The following HYAL4 variants were observed in gnomAD, a reference collection of about 807,000 sequenced individuals.
The protein encoded by HYAL4 is hyaluronidase-4.
A neutral mutation model predicts 35.2 loss-of-function variants in HYAL4; 37 were observed. That is an observed-to-expected ratio of 1.05 (90% CI 0.81 to 1.38). The LOEUF is 1.38. HYAL4 is among the 40% of genes most tolerant of loss of function. The probability of loss-of-function intolerance (pLI) is 0.00; values close to 1 mark genes in which losing one functional copy is unlikely to be tolerated. For missense variants in HYAL4, 572 were observed against 572.4 expected (o/e 1.00, Z 0.01); for synonymous variants, 198 against 203.2 (o/e 0.97, Z 0.22).
the HYAL4 span, among the ~76,000 whole-genome samples, chr7:123,800,390 C>A: frequency 6.7e-6 from 1 of 148,854 alleles, no homozygotes; most frequent in Non-Finnish European, 1.5e-5. Context: ...AGGATGGTCT[C>A]GATCTCCTGA....
the HYAL4 span, among the ~76,000 whole-genome samples, chr7:123,770,440 T>TGA: frequency 1.7e-5 from 2 of 118,512 alleles, no homozygotes; most frequent in African/African-American, 6.2e-5. Context: ...AGACTCCATC[T>TGA]AAAAAAAAAA....
chr7:123,778,159 G>C, the HYAL4 span, among the ~76,000 whole-genome samples: 1 of 120,716 alleles, frequency 8.3e-6, no homozygotes, highest in Non-Finnish European at 2.0e-5. Context: ...CTGTCTGTCT[G>C]TCTATCTATC....
At chr7:123,782,738 A>G in the HYAL4 span, among the ~76,000 whole-genome samples, 1 of 152,160 alleles carries the variant, frequency 6.6e-6, no homozygotes, top group Non-Finnish European at 1.5e-5. Context: ...AATAAATCAT[A>G]TTCCATCTCC....
the HYAL4 span, among the ~76,000 whole-genome samples, chr7:123,773,761 C>T: frequency 6.6e-6 from 1 of 152,202 alleles, no homozygotes; most frequent in African/African-American, 2.4e-5. Flanking sequence ...AACAATATCT[C>T]AATCTAGATG....
chr7:123,820,303 G>A, the HYAL4 span, among the ~76,000 whole-genome samples: 1 of 152,074 alleles, frequency 6.6e-6, no homozygotes, highest in African/African-American at 2.4e-5. Flanking sequence ...GGCTGGGCAC[G>A]GTGGCTCACG....
upstream of HYAL4, among the ~76,000 whole-genome samples, chr7:123,840,243 A>G (rs1806031474): frequency 1.3e-5 from 2 of 152,206 alleles, no homozygotes; most frequent in Non-Finnish European, 2.9e-5. Context: ...TTAAATAGGG[A>G]ATCCTTTCCC....
At chr7:123,854,747 CAG>C (rs1407605127) in intron 2 of HYAL4, among the ~76,000 whole-genome samples, 14 of 152,066 alleles carry the variant, frequency 9.2e-5, no homozygotes, top group Admixed American at 9.2e-4. Flanking sequence ...CTACTTGGTC[CAG>C]AGCTGAGTTT....
chr7:123,869,323 T>TCTTC, intron 3 of HYAL4, 96 bp downstream of exon 3: 1 of 865,352 alleles, frequency 1.2e-6, no homozygotes, highest in Non-Finnish European at 1.7e-6. Flanking sequence ...TGATTTCAAT[T>TCTTC]AATGGTTTGT....
chr7:123,820,125 T>A, the HYAL4 span, among the ~76,000 whole-genome samples: 6 of 152,076 alleles, frequency 3.9e-5, no homozygotes, highest in East Asian at 1.2e-3. Flanking sequence ...ACTCCTGGCC[T>A]TAAGCTATCT....
chr7:123,823,112 A>T, the HYAL4 span, among the ~76,000 whole-genome samples: 2 of 152,278 alleles, frequency 1.3e-5, no homozygotes, highest in African/African-American at 2.4e-5. Context: ...TTTGTATGTT[A>T]TGGCACATTC....
intron 2 of HYAL4, among the ~76,000 whole-genome samples, chr7:123,854,020 G>A (rs889484579): frequency 5.9e-5 from 9 of 152,258 alleles, no homozygotes; most frequent in East Asian, 3.9e-4. Flanking sequence ...GCATAGAGGT[G>A]TTTATAGTAT....
the HYAL4 span, among the ~76,000 whole-genome samples, chr7:123,772,948 A>G: frequency 6.6e-6 from 1 of 152,216 alleles, no homozygotes; most frequent in Non-Finnish European, 1.5e-5. Context: ...ATGAAAAAGA[A>G]CTGATAGTGC....
the HYAL4 span, among the ~76,000 whole-genome samples, chr7:123,772,117 A>G: frequency 4.6e-5 from 7 of 152,130 alleles, no homozygotes; most frequent in South Asian, 6.2e-4. Context: ...ATGGCAGATC[A>G]TGGGACTTCT....
intron 4 of HYAL4, among the ~76,000 whole-genome samples, chr7:123,875,362 C>T (rs987285124): frequency 2.6e-5 from 4 of 152,084 alleles, no homozygotes; most frequent in Non-Finnish European, 4.4e-5. Context: ...TGAAAATTAT[C>T]AGCATTTAAA....
At chr7:123,846,234 G>A (rs1562995095) in intron 1 of HYAL4, among the ~76,000 whole-genome samples, 1 of 152,096 alleles carries the variant, frequency 6.6e-6, no homozygotes, top group Non-Finnish European at 1.5e-5. Flanking sequence ...TTTGTCTTCA[G>A]CTGCCAGGGT....
chr7:123,866,045 A>G (rs2116952529), intron 2 of HYAL4, among the ~76,000 whole-genome samples: 1 of 152,290 alleles, frequency 6.6e-6, no homozygotes, highest in South Asian at 2.1e-4. Flanking sequence ...CGCCCTTGTG[A>G]TACAATTACC....
intron 1 of HYAL4, among the ~76,000 whole-genome samples, chr7:123,835,576 T>C (rs1354320778): frequency 6.6e-6 from 1 of 152,154 alleles, no homozygotes; most frequent in Admixed American, 6.5e-5. Flanking sequence ...TCAATTTTAT[T>C]TAGTTCTGCT....
At chr7:123,840,608 C>T (rs1484691666), upstream of HYAL4, among the ~76,000 whole-genome samples, 1 of 151,960 alleles carries the variant, frequency 6.6e-6, no homozygotes, top group Non-Finnish European at 1.5e-5. Flanking sequence ...ATTGATTCTT[C>T]CTATGCATGA....
chr7:123,805,923 G>A, the HYAL4 span, among the ~76,000 whole-genome samples: 1 of 152,070 alleles, frequency 6.6e-6, no homozygotes, highest in African/African-American at 2.4e-5. Context: ...GAACCCGGGA[G>A]GTAGAGATTG....
Sources: gnomAD v4.1 joint callset for allele counts (sites outside exome capture counted in the v4.1 genomes callset) on GRCh38, gnomAD v4.1.1 for gene constraint, MANE v1.5 for transcripts, NCBI Gene and HGNC (gene_info 2026-07-23, HGNC 2026-07-21) for gene names.